The following TEK variants were observed in gnomAD, a reference collection of about 807,000 sequenced individuals.
TEK encodes angiopoietin-1 receptor.
In TEK, 43 loss-of-function variants were observed where a neutral mutation model predicts 131.8. The observed-to-expected ratio is 0.33, with a 90% CI of 0.26 to 0.42. The LOEUF is 0.42. Ranked by LOEUF, TEK falls within the 10% of genes least tolerant of loss-of-function variation. The pLI, the probability that TEK is intolerant of heterozygous loss-of-function variation, is 1.00. For missense variants in TEK, 1,162 were observed against 1,384.4 expected (o/e 0.84, Z 2.55); for synonymous variants, 580 against 491.6 (o/e 1.18, Z -2.38).
At chr9:27,168,242 T>C (rs1041523048) in intron 2 of TEK, among the ~76,000 whole-genome samples, 4 of 152,150 alleles carry the variant, frequency 2.6e-5, no homozygotes, top group Non-Finnish European at 2.9e-5. Flanking sequence ...AATAGAAAAA[T>C]TGTGTATAGG....
At chr9:27,147,647 A>G (rs1822976802) in intron 1 of TEK, among the ~76,000 whole-genome samples, 1 of 152,194 alleles carries the variant, frequency 6.6e-6, no homozygotes. Flanking sequence ...TTTTGGTGTC[A>G]TAGCTAACAA....
rs144763561 is a variant in TEK, at chr9:27,188,304, C to A, written c.1328-2225C>A. Among the ~76,000 whole-genome samples the A allele has an allele frequency of 3.2e-3, 480 of 152,204 alleles. 2 individuals are homozygous for A. Among genetic ancestry groups the A allele is most frequent in the African/African-American group, 0.011 (460 of 41,532 alleles). ...ACATGGGTGTACACATAGGTAAAGT[C>A]CCTTGAGCTAAATACACTTAAGATA... is the stretch of plus-strand genomic sequence containing the variant. On this transcript the variant is annotated intron_variant, in intron 9 of 22. Transcript: ENST00000380036.
intron 2 of TEK, among the ~76,000 whole-genome samples, chr9:27,167,905 T>C (rs1010036174): frequency 6.6e-6 from 1 of 152,050 alleles, no homozygotes; most frequent in Admixed American, 6.5e-5. Flanking sequence ...TGGAGAAGGA[T>C]GGCAGATTCA....
intron 21 of TEK, among the ~76,000 whole-genome samples, chr9:27,227,594 T>C (rs1826389793): frequency 6.6e-6 from 1 of 152,176 alleles, no homozygotes; most frequent in African/African-American, 2.4e-5. Context: ...TTCTGCTGTG[T>C]CCTCACGTGG....
rs925808684 is a variant in TEK at position 27,150,162 on chromosome 9, CACACT to C, written c.53-7667_53-7663del. Among the ~76,000 whole-genome samples the C allele has an allele frequency of 3.9e-5, 6 of 152,322 alleles. No individual in the cohort carries two copies. In the East Asian group the frequency reaches 9.6e-4, roughly 24 times the overall value. On this transcript the variant is annotated intron_variant, in intron 1 of 22. Transcript: ENST00000380036. ...GATGTATATACATTCCATATTCCCT[CACACT>C]AAGGACTTGGCTGTTAACACTGCTA...
intron 1 of TEK, among the ~76,000 whole-genome samples, chr9:27,117,574 T>C (rs1342387747): frequency 6.6e-6 from 1 of 152,102 alleles, no homozygotes; most frequent in East Asian, 1.9e-4. Flanking sequence ...TGTGAAGACG[T>C]GGATGTGCCA....
At chr9:27,211,014 C>T (rs562659949) in intron 16 of TEK, among the ~76,000 whole-genome samples, 8 of 151,930 alleles carry the variant, frequency 5.3e-5, no homozygotes, top group South Asian at 4.2e-4. Flanking sequence ...CCCAGCTACT[C>T]GGGATGCTGA....
intron 6 of TEK, among the ~76,000 whole-genome samples, chr9:27,174,806 A>C (rs982585309): frequency 6.6e-6 from 1 of 152,108 alleles, no homozygotes; most frequent in Non-Finnish European, 1.5e-5. Flanking sequence ...AGGTGACTCC[A>C]GGCAGGGGGC....
chr9:27,167,024 A>T (rs1823754689), intron 2 of TEK, among the ~76,000 whole-genome samples: 1 of 152,180 alleles, frequency 6.6e-6, no homozygotes, highest in African/African-American at 2.4e-5. Flanking sequence ...CTTAACTTAA[A>T]GCCTAAAGCT....
chr9:27,159,652 TA>T (rs1325019379), intron 2 of TEK, among the ~76,000 whole-genome samples: 4 of 152,184 alleles, frequency 2.6e-5, no homozygotes, highest in Non-Finnish European at 4.4e-5. Context: ...CCTCCCAAAA[TA>T]AAAGTGGGCC....
intron 1 of TEK, among the ~76,000 whole-genome samples, chr9:27,137,156 G>T (rs182912200): frequency 6.6e-6 from 1 of 152,048 alleles, no homozygotes; most frequent in African/African-American, 2.4e-5. Context: ...AACCTCAGTT[G>T]ATCCACCCGC....
chr9:27,134,872 A>T (rs1385125310), intron 1 of TEK, among the ~76,000 whole-genome samples: 1 of 152,224 alleles, frequency 6.6e-6, no homozygotes, highest in Non-Finnish European at 1.5e-5. Context: ...AGAAATACGT[A>T]TGCTGCTGTG....
At chr9:27,116,691 C>T (rs1821572597) in intron 1 of TEK, among the ~76,000 whole-genome samples, 1 of 152,096 alleles carries the variant, frequency 6.6e-6, no homozygotes, top group African/African-American at 2.4e-5. Context: ...GTAAGTGAAG[C>T]CACGGGCATG....
In TEK at chr9:27,212,842, T is replaced by A; in HGVS notation, c.2822T>A (p.Leu941His). The change falls in exon 17 of 23, where the codon CTC becomes CAC. Residue 941 changes from leucine to histidine, a missense_variant. This residue lies in a region of TEK where 107 missense variants were observed against 173.9 expected (regional missense o/e 0.62). Coordinates refer to ENST00000380036, the MANE Select transcript of TEK (RefSeq NM_000459.5). ...STASTLSSQQ[L>H]LHFAADVARG... The stretch of plus-strand genomic sequence containing the variant: ...GCGTCCACACTGTCCTCCCAGCAGC[T>A]CCTTCACTTCGCTGCCGACGTGGCC... 1 of 1,614,130 alleles carries A rather than the reference T, an allele frequency of 6.2e-7. No homozygotes were observed. The highest frequency in any genetic ancestry group is 8.5e-7 in the Non-Finnish European group (1 of 1,180,016).
chr9:27,154,641 C>T (rs992925924), intron 1 of TEK, among the ~76,000 whole-genome samples: 3 of 152,136 alleles, frequency 2.0e-5, no homozygotes, highest in Admixed American at 6.5e-5. Flanking sequence ...TTTAAGAAAA[C>T]TAAGCAGGTG....
chr9:27,224,393 T>A (rs2131257814), intron 21 of TEK, among the ~76,000 whole-genome samples: 1 of 140,392 alleles, frequency 7.1e-6, no homozygotes, highest in Non-Finnish European at 1.6e-5. Flanking sequence ...CAGCAGCACA[T>A]CAAAAAGCTT....
At chr9:27,185,775 A>C (rs1824578833) in intron 9 of TEK, 146 bp downstream of exon 9, 7 of 1,116,532 alleles carry the variant, frequency 6.3e-6, no homozygotes, top group African/African-American at 1.6e-5. Context: ...TATATGCATG[A>C]AACTAGAGTG....
intron 3 of TEK, 63 bp downstream of exon 3, chr9:27,168,668 T>G: frequency 8.4e-7 from 1 of 1,195,704 alleles, no homozygotes; most frequent in East Asian, 2.5e-5. Context: ...ATACAACATA[T>G]TGAATCATTT....
intron 21 of TEK, among the ~76,000 whole-genome samples, chr9:27,225,422 CAGGAATA>C (rs960112786): frequency 7.9e-5 from 12 of 152,262 alleles, no homozygotes; most frequent in African/African-American, 2.9e-4. Context: ...ACAGAGGCCT[CAGGAATA>C]ACACCACACA....
Sources: gnomAD v4.1 joint callset for allele counts (sites outside exome capture counted in the v4.1 genomes callset) on GRCh38, gnomAD v4.1.1 for gene constraint, gnomAD v4.1.1 regional missense constraint, MANE v1.5 for transcripts, NCBI Gene and HGNC (gene_info 2026-07-23, HGNC 2026-07-21) for gene names.